Variants in RCAN2 observed in about 807,000 individuals in gnomAD.
RCAN2 encodes regulator of calcineurin 2.
Under a neutral mutation model 23.6 loss-of-function variants are expected in RCAN2, and 9 were observed. That is an observed-to-expected ratio of 0.38 (90% CI 0.23 to 0.67). RCAN2 has a LOEUF of 0.67. RCAN2 is among the 30% of genes least tolerant of loss of function. The pLI is 0.51. For missense variants in RCAN2, 273 were observed against 302.3 expected (o/e 0.90, Z 0.72); for synonymous variants, 109 against 115.7 (o/e 0.94, Z 0.37).
At chr6:46,364,607 C>T (rs952613178) in intron 2 of RCAN2, among the ~76,000 whole-genome samples, 9 of 152,186 alleles carry the variant, frequency 5.9e-5, no homozygotes, top group African/African-American at 2.2e-4. Context: ...GGGGTCGTCT[C>T]ACAAATTCAT....
At chr6:46,336,808 G>A (rs779668660) in intron 2 of RCAN2, among the ~76,000 whole-genome samples, 2 of 152,182 alleles carry the variant, frequency 1.3e-5, no homozygotes, top group Non-Finnish European at 2.9e-5. Flanking sequence ...GTTGGATTAC[G>A]GAGATGCAGT....
intron 2 of RCAN2, among the ~76,000 whole-genome samples, chr6:46,429,778 C>T (rs773287522): frequency 1.1e-4 from 17 of 152,004 alleles, no homozygotes; most frequent in Admixed American, 2.0e-4. Flanking sequence ...CTGAGATAAG[C>T]GCTCTGAAGG....
intron 2 of RCAN2, among the ~76,000 whole-genome samples, chr6:46,256,704 T>G (rs1239840069): frequency 1.3e-5 from 2 of 152,180 alleles, no homozygotes; most frequent in Non-Finnish European, 2.9e-5. Context: ...TGCCCCAGAT[T>G]TTTAAAAAGA....
intron 2 of RCAN2, chr6:46,325,280 G>T: frequency 8.7e-7 from 1 of 1,143,712 alleles, no homozygotes; most frequent in Non-Finnish European, 1.2e-6. Flanking sequence ...CATTTCTAGC[G>T]CAGACTATGA....
At chr6:46,291,107 T>C (rs1055681976) in intron 2 of RCAN2, among the ~76,000 whole-genome samples, 4 of 151,984 alleles carry the variant, frequency 2.6e-5, no homozygotes, top group African/African-American at 9.7e-5. Flanking sequence ...TTTGCCAAGG[T>C]CTAGGAAAGG....
intron 2 of RCAN2, among the ~76,000 whole-genome samples, chr6:46,270,548 C>T (rs1078976): frequency 0.78 from 119,353 of 152,124 alleles, 47,126 homozygotes; most frequent in Non-Finnish European, 0.83. Context: ...AGATGGTTCC[C>T]AGTGATCCTC....
At chr6:46,267,121 G>C (rs1275448581) in intron 2 of RCAN2, among the ~76,000 whole-genome samples, 1 of 152,202 alleles carries the variant, frequency 6.6e-6, no homozygotes, top group East Asian at 1.9e-4. Flanking sequence ...AAAAGAGGTT[G>C]AGTGATTAGT....
chr6:46,237,598 T>G (rs1766147872), intron 4 of RCAN2, among the ~76,000 whole-genome samples: 1 of 152,180 alleles, frequency 6.6e-6, no homozygotes, highest in Non-Finnish European at 1.5e-5. Context: ...GGGCAGGCTT[T>G]AATGATTGTC....
intron 2 of RCAN2, among the ~76,000 whole-genome samples, chr6:46,366,521 C>T (rs1765175897): frequency 6.6e-6 from 1 of 152,078 alleles, no homozygotes; most frequent in Non-Finnish European, 1.5e-5. Flanking sequence ...TCAATTAGGC[C>T]TTGATTTTCG....
At chr6:46,253,995 G>A (rs959958944) in intron 2 of RCAN2, among the ~76,000 whole-genome samples, 4 of 152,114 alleles carry the variant, frequency 2.6e-5, no homozygotes, top group African/African-American at 7.2e-5. Context: ...TTCACACAAC[G>A]AAATCACCTA....
chr6:46,296,812 A>G (rs573516352), intron 2 of RCAN2, among the ~76,000 whole-genome samples: 31 of 152,172 alleles, frequency 2.0e-4, no homozygotes, highest in African/African-American at 6.7e-4. Flanking sequence ...AAAACACTGA[A>G]TCACCTTCTT....
Position 46,230,407 on chromosome 6 carries a change from G to A in RCAN2, c.572-7106C>T, listed in dbSNP as rs533964148. Among the ~76,000 whole-genome samples the A allele has an allele frequency of 3.3e-5, 5 of 152,334 alleles. No individual in the cohort carries two copies. In the South Asian group the frequency reaches 1.0e-3, roughly 32 times the overall value. On this transcript the variant is annotated intron_variant, in intron 4 of 4. Transcript: ENST00000371374. ...TACAGAGGCAGGCAGGCCTCCTTGA[G>A]CTGCAGTGGGCTCCACCCAGTTTGA...
chr6:46,248,120 A>T (rs1766583471), intron 3 of RCAN2, among the ~76,000 whole-genome samples: 1 of 152,230 alleles, frequency 6.6e-6, no homozygotes. Context: ...CTAATGGAAC[A>T]TGATGGATAT....
intron 4 of RCAN2, among the ~76,000 whole-genome samples, chr6:46,243,801 T>C (rs1230633830): frequency 9.1e-6 from 1 of 109,838 alleles, no homozygotes; most frequent in East Asian, 2.5e-4. Context: ...CAGGGTAAGA[T>C]TCTGTCTCAA....
At chr6:46,467,299 T>C (rs1582226231) in intron 1 of RCAN2, among the ~76,000 whole-genome samples, 1 of 152,242 alleles carries the variant, frequency 6.6e-6, no homozygotes, top group Non-Finnish European at 1.5e-5. Flanking sequence ...TTACTGGCTG[T>C]GTGACCTTGG....
At chr6:46,344,389 A>AGGAAG (rs1203207431) in intron 2 of RCAN2, among the ~76,000 whole-genome samples, 1 of 152,162 alleles carries the variant, frequency 6.6e-6, no homozygotes, top group Non-Finnish European at 1.5e-5. Flanking sequence ...AAGATTGGTA[A>AGGAAG]GGAAGGGAAG....
At chr6:46,441,136 G>A (rs150975413) in intron 2 of RCAN2, among the ~76,000 whole-genome samples, 290 of 152,266 alleles carry the variant, frequency 1.9e-3, no homozygotes, top group Non-Finnish European at 3.6e-3. Context: ...GAATGAGGAA[G>A]AGAACATGCT....
chr6:46,267,786 A>G (rs2150331068), intron 2 of RCAN2, among the ~76,000 whole-genome samples: 1 of 152,352 alleles, frequency 6.6e-6, no homozygotes, highest in East Asian at 1.9e-4. Context: ...TATACTTTAA[A>G]TACAAATCTC....
intron 1 of RCAN2, among the ~76,000 whole-genome samples, chr6:46,483,191 T>C (rs569798570): frequency 3.7e-4 from 56 of 152,348 alleles, no homozygotes; most frequent in Non-Finnish European, 7.3e-4. Flanking sequence ...GTCCTTAGTT[T>C]CCACTTTAAT....
Sources: allele counts gnomAD v4.1 joint callset (sites outside exome capture counted in the v4.1 genomes callset), GRCh38; gene constraint gnomAD v4.1.1; transcripts MANE v1.5; gene names NCBI Gene and HGNC (gene_info 2026-07-23, HGNC 2026-07-21).